The following SAR1B variants were observed in gnomAD, a reference collection of about 807,000 sequenced individuals.
The protein encoded by SAR1B is secretion associated Ras related GTPase 1B.
In SAR1B, 23 loss-of-function variants were observed where a neutral mutation model predicts 26.8. The ratio of observed to expected loss-of-function variants is 0.86; its 90% confidence interval spans 0.62 to 1.22. The LOEUF is 1.22. Among genes scored for constraint, SAR1B ranks in the 50% most tolerant of loss-of-function variants. The probability of loss-of-function intolerance (pLI) is 0.00; values close to 1 mark genes in which losing one functional copy is unlikely to be tolerated. For synonymous variants in SAR1B, 65 were observed against 80.8 expected, an observed-to-expected ratio of 0.80 and a Z score of 1.05; for missense variants, 196 against 232.8, an observed-to-expected ratio of 0.84 and a Z score of 1.03.
At chr5:134,624,930 G>A (rs1207850684) in intron 1 of SAR1B, among the ~76,000 whole-genome samples, 5 of 152,136 alleles carry the variant, frequency 3.3e-5, no homozygotes, top group African/African-American at 9.7e-5. Context: ...AGGCCTGGAA[G>A]TGAAATTTCC....
intron 1 of SAR1B, among the ~76,000 whole-genome samples, chr5:134,629,228 C>G (rs940876226): frequency 8.9e-5 from 13 of 145,884 alleles, no homozygotes; most frequent in African/African-American, 3.3e-4. Flanking sequence ...TTCAGACCAA[C>G]CTGGGAAACA....
chr5:134,622,369 C>G (rs1015183648), intron 2 of SAR1B, among the ~76,000 whole-genome samples: 1 of 150,356 alleles, frequency 6.7e-6, no homozygotes, highest in Non-Finnish European at 1.5e-5. Flanking sequence ...TTTGTTCAAT[C>G]GAGTAATTGA....
chr5:134,619,860 C>G (rs1228236794), intron 3 of SAR1B, among the ~76,000 whole-genome samples: 1 of 152,084 alleles, frequency 6.6e-6, no homozygotes, highest in Admixed American at 6.6e-5. Context: ...TGGCTCCTAT[C>G]TTTAATCCCA....
chr5:134,610,280 A>G (rs2150050322), intron 4 of SAR1B, among the ~76,000 whole-genome samples: 1 of 152,248 alleles, frequency 6.6e-6, no homozygotes, highest in East Asian at 1.9e-4. Flanking sequence ...CAGCCTGGAC[A>G]ACATAGTGAA....
chr5:134,608,300 C>G, intron 6 of SAR1B, 72 bp downstream of exon 6: 1 of 1,436,040 alleles, frequency 7.0e-7, no homozygotes, highest in East Asian at 2.5e-5. Flanking sequence ...TATAGTTGGA[C>G]AATAGTAATT....
In SAR1B at chr5:134,616,500, T is replaced by C. The variant is rs530567861; in HGVS notation, c.179-3744A>G. On this transcript the variant is annotated intron_variant, in intron 3 of 6. Transcript: ENST00000402673. ...TAGATTGCCAAATGAATAAAATATTTAATACAATCTATATTCAAAGTCACT... is the reference window on the plus strand; with the variant it reads ...TAGATTGCCAAATGAATAAAATATTCAATACAATCTATATTCAAAGTCACT... 9.2e-5 allele frequency among the ~76,000 whole-genome samples: 14 copies of C among 152,160 alleles called. No homozygotes were observed. In the South Asian group the frequency reaches 2.9e-3, roughly 32 times the overall value.
At position 134,612,673 on chromosome 5, in the gene SAR1B, A is replaced by AAAAAAAAAAAAAAT; in HGVS notation, c.244+17_244+18insATTTTTTTTTTTTT. Reference sequence around the variant, plus strand: ...AAAAAAAAAAAAAAAAAAAAAAAAAAAAAAAAAAGAATCTTACCTTGAACA... The same window carrying AAAAAAAAAAAAAAT: ...AAAAAAAAAAAAAAAAAAAAAAAAAAAAAAAAAAAAAAATAAAAAAAAGAATCTTACCTTGAACA... On this transcript the variant is annotated intron_variant, in intron 4 of 6. Transcript: ENST00000402673. 9.2e-7 allele frequency: 1 copy of AAAAAAAAAAAAAAT among 1,091,126 alleles called. No homozygotes were observed. 67.6% of individuals were successfully genotyped at this position (1,091,126 alleles called of 1,614,324 possible).
intron 1 of SAR1B, among the ~76,000 whole-genome samples, chr5:134,630,955 C>G (rs1239812055): frequency 8.3e-6 from 1 of 119,858 alleles, no homozygotes; most frequent in Admixed American, 1.2e-4. Context: ...GGCTGGAGTG[C>G]AGTGGCATGA....
At position 134,627,737 on chromosome 5, in the gene SAR1B, T is replaced by G. The variant is rs1765517807; in HGVS notation, c.-18-3700A>C. Among the ~76,000 whole-genome samples, 2 of 151,004 alleles carry G rather than the reference T, an allele frequency of 1.3e-5. 1 individual carries two copies. The highest frequency in any genetic ancestry group is 4.2e-4 in the South Asian group (2 of 4,786). Reference sequence around the variant, plus strand: ...TGGCGTGAAACCAGGAGGCAGAGCTTGCAGTGAGCCGAGATTGCGCCACTG... The same window carrying G: ...TGGCGTGAAACCAGGAGGCAGAGCTGGCAGTGAGCCGAGATTGCGCCACTG... On this transcript the variant is annotated intron_variant, in intron 1 of 6. Coordinates refer to ENST00000402673, the MANE Select transcript of SAR1B (RefSeq NM_016103.4).
rs1321399360 is a variant in SAR1B, at chr5:134,603,353, T to G, written c.*3597A>C. 6.6e-6 allele frequency: 1 copy of G among 152,254 alleles called. No homozygotes were observed. Among genetic ancestry groups the G allele is most frequent in the Non-Finnish European group, 1.5e-5 (1 of 68,046 alleles). The allele number at this position is 152,254 out of a possible 1,614,324, so 9.4% of individuals were successfully genotyped here. On this transcript the variant is annotated 3_prime_UTR_variant, in exon 7 of 7. Transcript: ENST00000402673. Reference sequence around the variant, plus strand: ...CCAATCATGTTAACTAGAACTATACTGTTTCTAATGATGGAACCTGTGAAA... The same window carrying G: ...CCAATCATGTTAACTAGAACTATACGGTTTCTAATGATGGAACCTGTGAAA...
At chr5:134,627,956 A>G (rs2150056723) in intron 1 of SAR1B, among the ~76,000 whole-genome samples, 1 of 151,934 alleles carries the variant, frequency 6.6e-6, no homozygotes, top group East Asian at 1.9e-4. Flanking sequence ...CCTGACCAAC[A>G]TGGAGAAACC....
chr5:134,602,776 G>T lies in SAR1B; in HGVS notation c.*4174C>A, dbSNP rs1050685599. 1 of 152,082 alleles carries T rather than the reference G, an allele frequency of 6.6e-6. No homozygotes were observed. The highest frequency in any genetic ancestry group is 1.5e-5 in the Non-Finnish European group (1 of 68,036). The allele number at this position is 152,082 out of a possible 1,614,324, so 9.4% of individuals were successfully genotyped here. ...ACCTGTAATCCCAGCTACTCGGGAT[G>T]GTGAGGCACGAGAATCGCTTGAACC... On this transcript the variant is annotated 3_prime_UTR_variant, in exon 7 of 7. Coordinates refer to ENST00000402673, the MANE Select transcript of SAR1B (RefSeq NM_016103.4).
intron 3 of SAR1B, among the ~76,000 whole-genome samples, chr5:134,615,479 C>T (rs1165230580): frequency 6.6e-6 from 1 of 151,218 alleles, no homozygotes; most frequent in Non-Finnish European, 1.5e-5. Context: ...TGCGCCATTG[C>T]ACTCCAGCCT....
chr5:134,627,192 C>T (rs1765507067), intron 1 of SAR1B, among the ~76,000 whole-genome samples: 1 of 151,944 alleles, frequency 6.6e-6, no homozygotes, highest in South Asian at 2.1e-4. Context: ...GCTGGGACTA[C>T]AGGAGCCTGC....
chr5:134,602,505 G>C lies in SAR1B; in HGVS notation c.*4445C>G, dbSNP rs1414135095. ...GGCAGAGTCACATATCCCAAGAGCT[G>C]GTTCTTCTTTTATTTGGTTAAAAAG... On this transcript the variant is annotated 3_prime_UTR_variant, in exon 7 of 7. Transcript: ENST00000402673. The C allele has an allele frequency of 6.6e-6, 1 of 152,052 alleles. No individual in the cohort carries two copies. The highest frequency in any genetic ancestry group is 2.4e-5 in the African/African-American group (1 of 41,392). The allele number at this position is 152,052 out of a possible 1,614,324, so 9.4% of individuals were successfully genotyped here. A position where few individuals can be genotyped will look rare whatever the true frequency, so the allele number is the denominator to read the frequency against.
chr5:134,611,707 A>C (rs1055658434), intron 4 of SAR1B, among the ~76,000 whole-genome samples: 8 of 152,200 alleles, frequency 5.3e-5, no homozygotes, highest in African/African-American at 1.9e-4. Flanking sequence ...AGAGCACTCC[A>C]ACTGAGAATG....
intron 3 of SAR1B, among the ~76,000 whole-genome samples, chr5:134,615,696 A>G (rs1481107963): frequency 1.3e-5 from 2 of 151,434 alleles, no homozygotes; most frequent in Non-Finnish European, 2.9e-5. Context: ...AGGCGCCTGT[A>G]GTCCCAGCTA....
At chr5:134,630,478 A>T (rs1765582144) in intron 1 of SAR1B, among the ~76,000 whole-genome samples, 2 of 146,884 alleles carry the variant, frequency 1.4e-5, no homozygotes, top group African/African-American at 5.0e-5. Flanking sequence ...AAAAAAAAAA[A>T]GTAAGTGTAG....
chr5:134,614,384 T>A (rs1429211850), intron 3 of SAR1B: 1 of 152,240 alleles, frequency 6.6e-6, no homozygotes, highest in Non-Finnish European at 1.5e-5. Flanking sequence ...TCTTTGCATG[T>A]CTAGTAATTT....
Sources: allele counts gnomAD v4.1 joint callset (sites outside exome capture counted in the v4.1 genomes callset), GRCh38; gene constraint gnomAD v4.1.1; transcripts MANE v1.5; gene names NCBI Gene and HGNC (gene_info 2026-07-23, HGNC 2026-07-21).